DPP10: variants seen among roughly 807,000 people sequenced by gnomAD.
The protein encoded by DPP10 is inactive dipeptidyl peptidase 10.
In DPP10, 33 loss-of-function variants were observed where a neutral mutation model predicts 120.9. The observed-to-expected ratio is 0.27, with a 90% CI of 0.21 to 0.37. The LOEUF (loss-of-function observed/expected upper bound fraction) is 0.37, where lower values mean the gene tolerates loss of function less well. DPP10 is among the 10% of genes least tolerant of loss of function. The pLI, the probability that DPP10 is intolerant of heterozygous loss-of-function variation, is 1.00. For synonymous variants in DPP10, 337 were observed against 326.1 expected (o/e 1.03, Z -0.36); for missense variants, 816 against 942.8 (o/e 0.87, Z 1.76).
intron 1 of DPP10, among the ~76,000 whole-genome samples, chr2:114,904,192 C>G (rs1376161388): frequency 6.6e-6 from 1 of 152,136 alleles, no homozygotes; most frequent in Non-Finnish European, 1.5e-5. Context: ...GGAGAGAAAA[C>G]TTCCATCTTT....
chr2:114,967,194 T>A (rs1699094818), intron 1 of DPP10, among the ~76,000 whole-genome samples: 1 of 152,074 alleles, frequency 6.6e-6, no homozygotes, highest in Admixed American at 6.5e-5. Context: ...CTTATTTTAA[T>A]AAAAAAAATC....
At chr2:114,514,796 C>A (rs1268335685) in intron 1 of DPP10, among the ~76,000 whole-genome samples, 1 of 120,476 alleles carries the variant, frequency 8.3e-6, no homozygotes, top group African/African-American at 3.0e-5. Flanking sequence ...CTTTTTTTTT[C>A]CACGTTGGAG....
At chr2:115,780,701 A>G (rs1272223251) in intron 15 of DPP10, among the ~76,000 whole-genome samples, 173 bp from the exon 16 acceptor site, 1 of 151,844 alleles carries the variant, frequency 6.6e-6, no homozygotes, top group Non-Finnish European at 1.5e-5. Context: ...ATGTTTTAAC[A>G]TTACTAATAG....
intron 1 of DPP10, among the ~76,000 whole-genome samples, chr2:115,013,658 C>CAAAAAA (rs59313783): frequency 1.7e-3 from 100 of 58,156 alleles, no homozygotes; most frequent in Middle Eastern, 0.012. Flanking sequence ...AAATGGAAAG[C>CAAAAAA]AAAAAAAAAA....
At chr2:114,566,586 G>A (rs1008076629) in intron 1 of DPP10, among the ~76,000 whole-genome samples, 6 of 152,114 alleles carry the variant, frequency 3.9e-5, no homozygotes, top group African/African-American at 9.7e-5. Flanking sequence ...TTATATTCAG[G>A]AAAGTCCATT....
At chr2:115,448,801 C>A (rs2072851585) in intron 3 of DPP10, among the ~76,000 whole-genome samples, 1 of 152,098 alleles carries the variant, frequency 6.6e-6, no homozygotes, top group Non-Finnish European at 1.5e-5. Context: ...TGAAATACCA[C>A]AGAGATCCCT....
At chr2:115,420,347 C>T (rs1326431608) in intron 3 of DPP10, among the ~76,000 whole-genome samples, 1 of 152,120 alleles carries the variant, frequency 6.6e-6, no homozygotes, top group East Asian at 1.9e-4. Flanking sequence ...CTGGTATAAA[C>T]AAGCATGCTT....
intron 1 of DPP10, among the ~76,000 whole-genome samples, chr2:114,700,651 C>T (rs913163076): frequency 1.3e-5 from 2 of 152,096 alleles, no homozygotes; most frequent in African/African-American, 4.8e-5. Context: ...CTTCCTCTGC[C>T]TCTTCTGCCT....
At chr2:115,096,633 A>C (rs2048412204) in intron 1 of DPP10, among the ~76,000 whole-genome samples, 1 of 152,198 alleles carries the variant, frequency 6.6e-6, no homozygotes, top group Non-Finnish European at 1.5e-5. Flanking sequence ...TAATTTGAAC[A>C]TATGATGGGC....
intron 1 of DPP10, among the ~76,000 whole-genome samples, chr2:114,864,665 G>T (rs1248897508): frequency 6.6e-6 from 1 of 152,162 alleles, no homozygotes; most frequent in Admixed American, 6.5e-5. Context: ...GAAACAATTT[G>T]CTAGAAAAAC....
At chr2:115,097,177 A>G (rs987299828) in intron 1 of DPP10, among the ~76,000 whole-genome samples, 2 of 151,904 alleles carry the variant, frequency 1.3e-5, no homozygotes, top group Non-Finnish European at 2.9e-5. Flanking sequence ...CAAATAAATA[A>G]AGTCATAGTA....
At chr2:114,457,267 G>C (rs184054299) in intron 1 of DPP10, among the ~76,000 whole-genome samples, 2 of 152,186 alleles carry the variant, frequency 1.3e-5, no homozygotes, top group Non-Finnish European at 2.9e-5. Context: ...TGTTGGGCCA[G>C]ACCACTCTTT....
chr2:114,775,955 C>T (rs764214755), intron 1 of DPP10, among the ~76,000 whole-genome samples: 2 of 152,082 alleles, frequency 1.3e-5, no homozygotes, highest in Non-Finnish European at 2.9e-5. Flanking sequence ...GTAATACATT[C>T]ATGGAGGCAC....
chr2:115,532,161 G>A (rs1401458227), intron 5 of DPP10, among the ~76,000 whole-genome samples: 1 of 151,896 alleles, frequency 6.6e-6, no homozygotes, highest in East Asian at 1.9e-4. Context: ...TATTTAAGAG[G>A]GCACAAACAT....
At chr2:115,029,641 A>T (rs2105231552) in intron 1 of DPP10, among the ~76,000 whole-genome samples, 1 of 151,808 alleles carries the variant, frequency 6.6e-6, no homozygotes, top group Non-Finnish European at 1.5e-5. Context: ...TTCTTATAGG[A>T]TATGTTTGCT....
chr2:115,440,072 T>C (rs950586), intron 3 of DPP10, among the ~76,000 whole-genome samples: 43,700 of 151,534 alleles, frequency 0.29, 6,834 homozygotes, highest in East Asian at 0.41. Flanking sequence ...TTGAACAGCA[T>C]TTTTTTTTCT....
intron 1 of DPP10, among the ~76,000 whole-genome samples, chr2:115,038,496 C>G (rs544938659): frequency 1.8e-4 from 27 of 152,126 alleles, no homozygotes; most frequent in African/African-American, 6.0e-4. Flanking sequence ...CCAGTATGGT[C>G]TCTATCTCCT....
chr2:114,932,751 G>A (rs1438439795), intron 1 of DPP10, among the ~76,000 whole-genome samples: 1 of 152,090 alleles, frequency 6.6e-6, no homozygotes, highest in Non-Finnish European at 1.5e-5. Context: ...GTATTTAGAT[G>A]TATACATTTA....
intron 1 of DPP10, among the ~76,000 whole-genome samples, chr2:115,122,118 C>G (rs2049855328): frequency 6.6e-6 from 1 of 152,190 alleles, no homozygotes; most frequent in Non-Finnish European, 1.5e-5. Flanking sequence ...CTGGAGTGAA[C>G]AGAGTGTTCC....
Sources: gnomAD v4.1 joint callset for allele counts (sites outside exome capture counted in the v4.1 genomes callset) on GRCh38, gnomAD v4.1.1 for gene constraint, MANE v1.5 for transcripts, NCBI Gene and HGNC (gene_info 2026-07-23, HGNC 2026-07-21) for gene names.